Variants in SLC9A9 observed in about 807,000 individuals in gnomAD.
SLC9A9 encodes solute carrier family 9 member A9.
In SLC9A9, 62 loss-of-function variants were observed where a neutral mutation model predicts 77.8. That is an observed-to-expected ratio of 0.80 (90% CI 0.65 to 0.98). The LOEUF is 0.98. Among genes scored for constraint, SLC9A9 ranks in the 50% least tolerant of loss-of-function variants. The pLI is 0.00. For missense variants in SLC9A9, 775 were observed against 774.9 expected, an observed-to-expected ratio of 1.00 and a Z score of 0.00; for synonymous variants, 320 against 283.5, an observed-to-expected ratio of 1.13 and a Z score of -1.29.
chr3:143,846,197 C>T (rs2009826883), intron 1 of SLC9A9, among the ~76,000 whole-genome samples: 1 of 152,122 alleles, frequency 6.6e-6, no homozygotes, highest in Non-Finnish European at 1.5e-5. Context: ...ACAATATCCC[C>T]ACCATTGAAC....
intron 4 of SLC9A9, among the ~76,000 whole-genome samples, chr3:143,704,394 C>T (rs1200795455): frequency 6.6e-6 from 1 of 152,084 alleles, no homozygotes; most frequent in East Asian, 1.9e-4. Context: ...TGGAATTTAT[C>T]CCAGGGAAGC....
Position 143,652,256 on chromosome 3 carries a change from A to G in SLC9A9, c.754T>C (p.Tyr252His). ...LNDAVAIVLTYSISIYSPKEN... is the reference protein window; with the variant it reads ...LNDAVAIVLTHSISIYSPKEN... Reference sequence around the variant, plus strand: ...CATAGGCCAAGTTCTGGTACTTACTATGTAAGGACTATGGCCACTGCATCA... The same window carrying G: ...CATAGGCCAAGTTCTGGTACTTACTGTGTAAGGACTATGGCCACTGCATCA... Residue 252 changes from tyrosine (Y) to histidine (H), a missense_variant and splice_region_variant, in exon 6 of 16, where the codon TAT becomes CAT. Transcript: ENST00000316549. 1.9e-6 allele frequency: 3 copies of G among 1,609,102 alleles called. No homozygotes were observed. The highest frequency in any genetic ancestry group is 2.2e-5 in the South Asian group (2 of 90,632).
chr3:143,452,525 A>G (rs11922287), intron 12 of SLC9A9, among the ~76,000 whole-genome samples: 1 of 135,482 alleles, frequency 7.4e-6, no homozygotes, highest in Admixed American at 7.5e-5. Flanking sequence ...AAAAAAAAAG[A>G]CCAAATGCAA....
At chr3:143,421,237 T>C (rs2034291676) in intron 12 of SLC9A9, among the ~76,000 whole-genome samples, 1 of 152,162 alleles carries the variant, frequency 6.6e-6, no homozygotes, top group Non-Finnish European at 1.5e-5. Context: ...AGACTACCAA[T>C]GTCATTTTTC....
intron 14 of SLC9A9, among the ~76,000 whole-genome samples, chr3:143,293,863 A>C (rs990415508): frequency 2.0e-5 from 3 of 152,246 alleles, no homozygotes; most frequent in African/African-American, 7.2e-5. Flanking sequence ...CAATGTTTTG[A>C]ATGTCTCTGT....
At chr3:143,631,168 A>G (rs1576622855) in intron 6 of SLC9A9, among the ~76,000 whole-genome samples, 1 of 152,142 alleles carries the variant, frequency 6.6e-6, no homozygotes, top group Non-Finnish European at 1.5e-5. Context: ...AAATCCTTCA[A>G]ATTAGTCCGC....
At chr3:143,405,549 T>C (rs957091069) in intron 12 of SLC9A9, among the ~76,000 whole-genome samples, 2 of 152,158 alleles carry the variant, frequency 1.3e-5, no homozygotes, top group Non-Finnish European at 2.9e-5. Flanking sequence ...AAGGTGGTGA[T>C]TGGGTCCCCA....
intron 12 of SLC9A9, among the ~76,000 whole-genome samples, chr3:143,402,994 A>G (rs1489313218): frequency 6.7e-6 from 1 of 148,872 alleles, no homozygotes; most frequent in African/African-American, 2.5e-5. Context: ...TGGATTTATA[A>G]TAACTCAATT....
Position 143,530,400 on chromosome 3 carries a change from TTCTC to T in SLC9A9, c.1089+21958_1089+21961del, listed in dbSNP as rs531399983. 3.9e-4 allele frequency among the ~76,000 whole-genome samples: 60 copies of T among 152,224 alleles called. 1 individual carries two copies. The South Asian group carries it at 0.012, about 31-fold the overall frequency. Reference sequence around the variant, plus strand: ...GGAAACCCCTTTCGCTTGGCTATCATTCTCTCTCCTGCTTGCCACAGTGTAAGAC... The same window carrying T: ...GGAAACCCCTTTCGCTTGGCTATCATTCTCCTGCTTGCCACAGTGTAAGAC... On this transcript the variant is annotated intron_variant, in intron 9 of 15. Transcript: ENST00000316549.
chr3:143,549,644 C>A (rs1286127528), intron 9 of SLC9A9, among the ~76,000 whole-genome samples: 3 of 152,076 alleles, frequency 2.0e-5, no homozygotes, highest in Non-Finnish European at 4.4e-5. Flanking sequence ...TCAGGGAGGG[C>A]TTTTCAAGCC....
At chr3:143,441,882 TCATC>T (rs1307295922) in intron 12 of SLC9A9, among the ~76,000 whole-genome samples, 2 of 142,786 alleles carry the variant, frequency 1.4e-5, no homozygotes, top group Non-Finnish European at 3.1e-5. Context: ...ATCCATCCAC[TCATC>T]CATCCATCTC....
chr3:143,431,073 A>G (rs1051243454), intron 12 of SLC9A9, among the ~76,000 whole-genome samples: 1 of 152,150 alleles, frequency 6.6e-6, no homozygotes, highest in Non-Finnish European at 1.5e-5. Flanking sequence ...TTTAGGCCAC[A>G]TAGTTGGGCA....
intron 6 of SLC9A9, among the ~76,000 whole-genome samples, chr3:143,623,770 A>C (rs1364941533): frequency 6.6e-6 from 1 of 152,236 alleles, no homozygotes; most frequent in Non-Finnish European, 1.5e-5. Flanking sequence ...AGATCAGAGC[A>C]GAACTGAAGG....
At chr3:143,377,052 T>C (rs1259364467) in intron 13 of SLC9A9, among the ~76,000 whole-genome samples, 1 of 152,234 alleles carries the variant, frequency 6.6e-6, no homozygotes, top group Non-Finnish European at 1.5e-5. Flanking sequence ...AGATTCATTA[T>C]TCTCTTATCT....
intron 4 of SLC9A9, among the ~76,000 whole-genome samples, chr3:143,708,329 AGCAATGAAG>A (rs1934048891): frequency 6.6e-6 from 1 of 152,204 alleles, no homozygotes; most frequent in African/African-American, 2.4e-5. Flanking sequence ...GAATGAGAGG[AGCAATGAAG>A]GCAGTGCGAG....
chr3:143,777,297 A>G lies in SLC9A9; in HGVS notation c.533+17704T>C, dbSNP rs113228957. On this transcript the variant is annotated intron_variant, in intron 4 of 15. Transcript: ENST00000316549. ...AGACAGGAGGAATGGAGGTAAACCA[A>G]ATTCTAAGTATCAAACTCTCTCTTC... Among the ~76,000 whole-genome samples the G allele has an allele frequency of 3.5e-3, 538 of 152,326 alleles. 2 individuals are homozygous for G. Among genetic ancestry groups the G allele is most frequent in the African/African-American group, 0.013 (523 of 41,582 alleles).
intron 13 of SLC9A9, among the ~76,000 whole-genome samples, chr3:143,367,859 A>AT (rs779789312): frequency 3.3e-5 from 5 of 151,942 alleles, no homozygotes; most frequent in African/African-American, 4.8e-5. Flanking sequence ...TCCAGAGGGG[A>AT]TGTGGTGTGC....
chr3:143,330,957 A>T (rs1486299191), intron 14 of SLC9A9, among the ~76,000 whole-genome samples: 1 of 152,244 alleles, frequency 6.6e-6, no homozygotes, highest in African/African-American at 2.4e-5. Context: ...TTAAATGAGT[A>T]AATCACAAGG....
At chr3:143,694,915 C>T (rs956859581) in intron 4 of SLC9A9, among the ~76,000 whole-genome samples, 1 of 152,084 alleles carries the variant, frequency 6.6e-6, no homozygotes, top group Non-Finnish European at 1.5e-5. Context: ...GTTTAGAGCA[C>T]AGGGGCCCAA....
Sources: allele counts gnomAD v4.1 joint callset (sites outside exome capture counted in the v4.1 genomes callset), GRCh38; gene constraint gnomAD v4.1.1; transcripts MANE v1.5; gene names NCBI Gene and HGNC (gene_info 2026-07-23, HGNC 2026-07-21).